The following SEC24A variants were observed in gnomAD, a reference collection of about 807,000 sequenced individuals.
The protein encoded by SEC24A is SEC24 homolog A, COPII component, also known as protein transport protein Sec24A.
SEC24A carries 93 observed loss-of-function variants against 129.4 expected under a neutral mutation model. The observed-to-expected ratio is 0.72, with a 90% CI of 0.61 to 0.85. The LOEUF is 0.85. SEC24A is among the 40% of genes least tolerant of loss of function. SEC24A has a pLI of 0.00. For synonymous variants in SEC24A, 460 were observed against 467.3 expected (o/e 0.98, Z 0.20); for missense variants, 1,264 against 1,307.4 (o/e 0.97, Z 0.51).
intron 18 of SEC24A, among the ~76,000 whole-genome samples, chr5:134,713,227 G>A (rs1050814317): frequency 1.3e-5 from 2 of 151,996 alleles, no homozygotes; most frequent in Non-Finnish European, 2.9e-5. Flanking sequence ...CACCGCGCCC[G>A]GCCGAAATAT....
chr5:134,665,628 C>T (rs561812784), intron 2 of SEC24A, among the ~76,000 whole-genome samples: 1 of 152,030 alleles, frequency 6.6e-6, no homozygotes, highest in South Asian at 2.1e-4. Flanking sequence ...GAGATCTCAG[C>T]TCATTGCAAC....
At chr5:134,679,272 C>A (rs566527186) in intron 7 of SEC24A, among the ~76,000 whole-genome samples, 1 of 143,138 alleles carries the variant, frequency 7.0e-6, no homozygotes, top group Non-Finnish European at 1.5e-5. Flanking sequence ...TTGCCCAGGC[C>A]GGTCTCAAAC....
intron 22 of SEC24A, 102 bp from the exon 23 acceptor site, chr5:134,724,878 A>T: frequency 4.5e-6 from 3 of 672,648 alleles, no homozygotes; most frequent in Non-Finnish European, 8.0e-6. Context: ...GTAACTGTTT[A>T]TATAGTAAAT....
intron 6 of SEC24A, 100 bp from the exon 7 acceptor site, chr5:134,675,923 C>G: frequency 2.7e-6 from 2 of 734,162 alleles, no homozygotes; most frequent in Non-Finnish European, 2.2e-6. Context: ...CATCTGTAAT[C>G]TGATCCAGTA....
chr5:134,673,657 C>T (rs375433498), intron 4 of SEC24A, among the ~76,000 whole-genome samples: 3 of 151,676 alleles, frequency 2.0e-5, no homozygotes, highest in East Asian at 4.0e-4. Context: ...TGGGATTTCA[C>T]TGTGTTGGCC....
intron 18 of SEC24A, among the ~76,000 whole-genome samples, chr5:134,709,364 A>G (rs1056539812): frequency 2.6e-5 from 4 of 152,194 alleles, no homozygotes; most frequent in African/African-American, 9.7e-5. Flanking sequence ...GAAAAGTTTA[A>G]TAACCAAAGA....
intron 15 of SEC24A, 76 bp from the exon 16 acceptor site, chr5:134,703,683 A>T: frequency 1.0e-6 from 1 of 990,090 alleles, no homozygotes; most frequent in South Asian, 1.5e-5. Context: ...TGCCAATCTG[A>T]TAAGTAACTA....
intron 15 of SEC24A, among the ~76,000 whole-genome samples, chr5:134,699,299 TC>T (rs1374155242): frequency 2.7e-5 from 4 of 148,902 alleles, no homozygotes. Flanking sequence ...TACCATTTTA[TC>T]CTTTTTTTTT....
chr5:134,706,904 T>C (rs1399869057), intron 17 of SEC24A, among the ~76,000 whole-genome samples: 2 of 151,980 alleles, frequency 1.3e-5, no homozygotes, highest in African/African-American at 4.8e-5. Context: ...TTGGCCAGGA[T>C]GGTCTCAATC....
intron 22 of SEC24A, 73 bp downstream of exon 22, chr5:134,723,743 CAA>C: frequency 2.7e-6 from 2 of 747,668 alleles, no homozygotes; most frequent in Admixed American, 2.5e-5. Flanking sequence ...AAGAGTATAG[CAA>C]AAAAAAAGAA....
Position 134,688,255 on chromosome 5 carries a change from A to C in SEC24A, c.1679A>C (p.Glu560Ala). 1 of 1,611,352 alleles carries C rather than the reference A, an allele frequency of 6.2e-7. No homozygotes were observed. The highest frequency in any genetic ancestry group is 8.5e-7 in the Non-Finnish European group (1 of 1,177,630). The part of the protein sequence containing the change: ...DSTIHFYGLQ[E>A]SLSQPQMLIV... ...ACAATCCATTTCTACGGTCTTCAGG[A>C]AAGTCTCTCTCAACCTCAGATGCTA... Residue 560 changes from glutamate (E) to alanine (A), a missense_variant, in exon 11 of 23, where the codon GAA (glutamate) becomes GCA (alanine). By Grantham distance (107) the Glu-to-Ala change is moderately radical. Coordinates refer to ENST00000398844, the MANE Select transcript of SEC24A (RefSeq NM_021982.3).
chr5:134,687,338 T>G (rs1442029261), intron 10 of SEC24A, among the ~76,000 whole-genome samples: 1 of 152,232 alleles, frequency 6.6e-6, no homozygotes, highest in Non-Finnish European at 1.5e-5. Flanking sequence ...CTAGTTTATT[T>G]TTTGTTCCTA....
chr5:134,698,342 G>A (rs1044966651), intron 15 of SEC24A, among the ~76,000 whole-genome samples: 1 of 152,154 alleles, frequency 6.6e-6, no homozygotes, highest in Non-Finnish European at 1.5e-5. Context: ...AGTGGCTCAT[G>A]CCTGTAATTC....
intron 18 of SEC24A, among the ~76,000 whole-genome samples, chr5:134,713,121 C>T (rs560100038): frequency 5.9e-4 from 90 of 151,608 alleles, no homozygotes; most frequent in Admixed American, 2.9e-3. Context: ...TTAGTAGAGA[C>T]GGGGTTTCAC....
intron 1 of SEC24A, among the ~76,000 whole-genome samples, chr5:134,653,442 A>G (rs1458400407): frequency 1.3e-5 from 2 of 151,990 alleles, no homozygotes; most frequent in Non-Finnish European, 2.9e-5. Flanking sequence ...TAGAAAACAG[A>G]GCTGCACTCT....
chr5:134,691,780 C>T (rs375181805), intron 11 of SEC24A, among the ~76,000 whole-genome samples: 343 of 152,050 alleles, frequency 2.3e-3, no homozygotes, highest in South Asian at 3.9e-3. Flanking sequence ...CCACCGTGCC[C>T]GGCCGACCTT....
chr5:134,698,066 A>G lies in SEC24A; in HGVS notation c.2266+9A>G. 1 of 1,264,106 alleles carries G rather than the reference A, an allele frequency of 7.9e-7. No individual in the cohort carries two copies. 78.3% of individuals were successfully genotyped at this position (1,264,106 alleles called of 1,614,324 possible). On this transcript the variant is annotated intron_variant, in intron 15 of 22. Coordinates refer to ENST00000398844, the MANE Select transcript of SEC24A (RefSeq NM_021982.3). Reference sequence around the variant, plus strand: ...GATTCGGTGCACCAAAGGTAGGAATATTTTTTTTTTGCGTAGGACTGAATA... The same window carrying G: ...GATTCGGTGCACCAAAGGTAGGAATGTTTTTTTTTTGCGTAGGACTGAATA...
intron 8 of SEC24A, among the ~76,000 whole-genome samples, chr5:134,681,363 G>T (rs1341932495): frequency 6.6e-6 from 1 of 151,988 alleles, no homozygotes; most frequent in African/African-American, 2.4e-5. Flanking sequence ...TTGCACCATT[G>T]CACTCCAGCC....
chr5:134,688,069 C>A, intron 10 of SEC24A, 112 bp from the exon 11 acceptor site: 2 of 736,380 alleles, frequency 2.7e-6, no homozygotes, highest in Non-Finnish European at 4.8e-6. Flanking sequence ...TTGTGTTGGG[C>A]CAATTTCTAT....
Sources: gnomAD v4.1 joint callset for allele counts (sites outside exome capture counted in the v4.1 genomes callset) on GRCh38, gnomAD v4.1.1 for gene constraint, MANE v1.5 for transcripts, NCBI Gene and HGNC (gene_info 2026-07-23, HGNC 2026-07-21) for gene names.